Variants in INPP4B observed in about 807,000 individuals in gnomAD.
INPP4B encodes inositol polyphosphate-4-phosphatase type II B.
A neutral mutation model predicts 122.5 loss-of-function variants in INPP4B; 55 were observed. That is an observed-to-expected ratio of 0.45 (90% CI 0.36 to 0.56). The LOEUF is 0.56. Ranked by LOEUF, INPP4B falls within the 20% of genes least tolerant of loss-of-function variation. The pLI is 0.00. For synonymous variants in INPP4B, 403 were observed against 388.7 expected, an observed-to-expected ratio of 1.04 and a Z score of -0.43; for missense variants, 1,000 against 1,097.7, an observed-to-expected ratio of 0.91 and a Z score of 1.26.
chr4:142,142,848 T>C (rs1376336182), intron 18 of INPP4B, among the ~76,000 whole-genome samples: 1 of 152,102 alleles, frequency 6.6e-6, no homozygotes, highest in Non-Finnish European at 1.5e-5. Context: ...TGTCATTATG[T>C]GAATAAAGCA....
rs56149666 is a variant in INPP4B at position 142,034,026 on chromosome 4, C to T, written c.2643-5112G>A. 8.5e-3 allele frequency among the ~76,000 whole-genome samples: 1,299 copies of T among 152,182 alleles called. 20 individuals carry two copies. Among genetic ancestry groups the T allele is most frequent in the African/African-American group, 0.03 (1,241 of 41,502 alleles). On this transcript the variant is annotated intron_variant, in intron 25 of 25. Transcript: ENST00000262992. ...TTATCAGGCCAATCAGCTAACATTT[C>T]AGGGAATAAAGTCAATAGTTTGGTT...
intron 4 of INPP4B, among the ~76,000 whole-genome samples, chr4:142,430,186 T>C (rs1227083883): frequency 6.6e-6 from 1 of 152,120 alleles, no homozygotes; most frequent in African/African-American, 2.4e-5. Flanking sequence ...TATTCACAGT[T>C]ATTTATTATT....
At chr4:142,146,075 G>T in intron 17 of INPP4B, 79 bp from the exon 18 acceptor site, 1 of 1,459,462 alleles carries the variant, frequency 6.9e-7, no homozygotes, top group Non-Finnish European at 9.4e-7. Context: ...CTATTTTAGA[G>T]AAGCATTTGG....
At chr4:142,679,932 T>C (rs1758384800) in intron 2 of INPP4B, among the ~76,000 whole-genome samples, 1 of 151,796 alleles carries the variant, frequency 6.6e-6, no homozygotes, top group African/African-American at 2.4e-5. Context: ...CGGTATTATC[T>C]AGACATTAGA....
chr4:142,786,956 A>G (rs1193269648), intron 1 of INPP4B, among the ~76,000 whole-genome samples: 1 of 152,144 alleles, frequency 6.6e-6, no homozygotes, highest in Non-Finnish European at 1.5e-5. Context: ...AAAATAAACT[A>G]TATACATGCT....
At chr4:142,246,566 TAGG>T in intron 11 of INPP4B, among the ~76,000 whole-genome samples, 1 of 152,210 alleles carries the variant, frequency 6.6e-6, no homozygotes, top group Non-Finnish European at 1.5e-5. Flanking sequence ...CAATTGTGAA[TAGG>T]AGTTCACTCA....
chr4:142,147,006 A>G (rs746640699), intron 17 of INPP4B, among the ~76,000 whole-genome samples: 1 of 152,192 alleles, frequency 6.6e-6, no homozygotes, highest in African/African-American at 2.4e-5. Flanking sequence ...ATCACAATAG[A>G]CGACTGCCAT....
chr4:142,653,547 A>T (rs1330988825), intron 2 of INPP4B, among the ~76,000 whole-genome samples: 1 of 152,162 alleles, frequency 6.6e-6, no homozygotes, highest in African/African-American at 2.4e-5. Flanking sequence ...ACCCCATCAA[A>T]AAGTGGGCAA....
At chr4:142,049,087 G>A (rs945361962) in intron 25 of INPP4B, among the ~76,000 whole-genome samples, 2 of 151,072 alleles carry the variant, frequency 1.3e-5, no homozygotes, top group Non-Finnish European at 3.0e-5. Context: ...ATGAAGTTTT[G>A]GAAGTTTTGG....
At chr4:142,328,984 G>A (rs1013833664) in intron 7 of INPP4B, among the ~76,000 whole-genome samples, 4 of 152,142 alleles carry the variant, frequency 2.6e-5, no homozygotes, top group African/African-American at 7.2e-5. Context: ...CAGCCAGCCT[G>A]AACCACTAAG....
intron 3 of INPP4B, among the ~76,000 whole-genome samples, chr4:142,452,231 A>C (rs935273879): frequency 2.0e-5 from 3 of 152,020 alleles, no homozygotes; most frequent in African/African-American, 7.3e-5. Flanking sequence ...AAGGACATGA[A>C]CTCATCGACG....
intron 17 of INPP4B, among the ~76,000 whole-genome samples, chr4:142,151,870 C>T (rs1814112050): frequency 1.3e-5 from 2 of 152,094 alleles, no homozygotes; most frequent in African/African-American, 2.4e-5. Context: ...TATATGCCGG[C>T]TCAGCGCTGA....
At chr4:142,256,337 C>A (rs1471841783) in intron 11 of INPP4B, among the ~76,000 whole-genome samples, 4 of 150,818 alleles carry the variant, frequency 2.7e-5, no homozygotes, top group Admixed American at 1.3e-4. Flanking sequence ...TAGCAGAAGG[C>A]AAGAAATAAC....
At chr4:142,433,890 AT>A (rs1358060309) in intron 3 of INPP4B, among the ~76,000 whole-genome samples, 2 of 152,046 alleles carry the variant, frequency 1.3e-5, no homozygotes, top group Admixed American at 6.6e-5. Context: ...CAAATTTGAG[AT>A]TTTTTTTAAA....
intron 2 of INPP4B, among the ~76,000 whole-genome samples, chr4:142,520,747 A>G (rs1445481197): frequency 6.6e-6 from 1 of 152,012 alleles, no homozygotes; most frequent in Admixed American, 6.6e-5. Flanking sequence ...ACTGAATTTT[A>G]TCTACTACCC....
chr4:142,468,576 A>G (rs1818249566), intron 2 of INPP4B, among the ~76,000 whole-genome samples: 1 of 152,098 alleles, frequency 6.6e-6, no homozygotes, highest in East Asian at 1.9e-4. Flanking sequence ...CTCCGGGGAG[A>G]GTAAGTGAGT....
chr4:142,068,178 A>G (rs1424744813), intron 25 of INPP4B, among the ~76,000 whole-genome samples: 10 of 152,234 alleles, frequency 6.6e-5, no homozygotes, highest in Non-Finnish European at 1.5e-4. Flanking sequence ...GCCAATATTC[A>G]ACAATCTTAA....
At chr4:142,220,136 G>T (rs923771265) in intron 12 of INPP4B, among the ~76,000 whole-genome samples, 1 of 152,218 alleles carries the variant, frequency 6.6e-6, no homozygotes, top group South Asian at 2.1e-4. Context: ...GCCAGTAAAT[G>T]GTAGATTCAG....
At chr4:142,804,472 T>C (rs1310064842) in intron 1 of INPP4B, among the ~76,000 whole-genome samples, 1 of 152,192 alleles carries the variant, frequency 6.6e-6, no homozygotes, top group Non-Finnish European at 1.5e-5. Context: ...TCCTCCTTCA[T>C]TGTTTCACTT....
Sources: gnomAD v4.1 joint callset for allele counts (sites outside exome capture counted in the v4.1 genomes callset) on GRCh38, gnomAD v4.1.1 for gene constraint, MANE v1.5 for transcripts, NCBI Gene and HGNC (gene_info 2026-07-23, HGNC 2026-07-21) for gene names.